The following MID2 variants were observed in gnomAD, a reference collection of about 807,000 sequenced individuals.
The protein encoded by MID2 is midline 2.
Under a neutral mutation model 46.1 loss-of-function variants are expected in MID2, and 13 were observed. The ratio of observed to expected loss-of-function variants is 0.28; its 90% CI spans 0.18 to 0.45. The LOEUF is 0.45. MID2 is among the 20% of genes least tolerant of loss of function. The pLI, the probability that MID2 is intolerant of heterozygous loss-of-function variation, is 1.00. For missense variants in MID2, 431 were observed against 575.4 expected (o/e 0.75, Z 2.57); for synonymous variants, 199 against 212.3 (o/e 0.94, Z 0.55).
intron 3 of MID2, among the ~76,000 whole-genome samples, chrX:107,899,679 G>T (rs1353788095): frequency 9.0e-6 from 1 of 111,291 alleles, no homozygotes; most frequent in African/African-American, 3.3e-5. Flanking sequence ...TCTTTTTGGG[G>T]TGGGTGGATT....
chrX:107,879,496 A>G (rs1198668283), intron 3 of MID2, among the ~76,000 whole-genome samples: 1 of 112,368 alleles, frequency 8.9e-6, no homozygotes, highest in East Asian at 2.8e-4. Context: ...TCTGATGTCC[A>G]GCTGCTTCTC....
chrX:107,830,789 T>C (rs1403134663), intron 1 of MID2, among the ~76,000 whole-genome samples: 2 of 111,860 alleles, frequency 1.8e-5, no homozygotes, highest in African/African-American at 6.5e-5. Context: ...TGTAATTATC[T>C]TCTTGTACAG....
intron 5 of MID2, among the ~76,000 whole-genome samples, chrX:107,915,624 A>T (rs1188167507): frequency 9.0e-6 from 1 of 111,468 alleles, no homozygotes. Context: ...TGACTTGCTG[A>T]CTAGCATAAA....
At chrX:107,857,921 C>T (rs1400202461) in intron 3 of MID2, among the ~76,000 whole-genome samples, 1 of 111,822 alleles carries the variant, frequency 8.9e-6, no homozygotes, top group Non-Finnish European at 1.9e-5. Context: ...TCTGAGAAAA[C>T]TGGAATAGGG....
At chrX:107,896,615 A>G (rs1221501671) in intron 3 of MID2, among the ~76,000 whole-genome samples, 1 of 112,555 alleles carries the variant, frequency 8.9e-6, no homozygotes, top group Non-Finnish European at 1.9e-5. Context: ...ATGTGTGTAT[A>G]TATATGTGTG....
intron 1 of MID2, among the ~76,000 whole-genome samples, chrX:107,838,578 C>T (rs1429360781): frequency 8.9e-6 from 1 of 112,178 alleles, no homozygotes; most frequent in Non-Finnish European, 1.9e-5. Context: ...AACCTCATTT[C>T]ATATAGATTT....
At chrX:107,847,543 G>A (rs1334266140) in intron 2 of MID2, among the ~76,000 whole-genome samples, 3 of 111,973 alleles carry the variant, frequency 2.7e-5, no homozygotes, top group African/African-American at 9.8e-5. Context: ...GACTTTTGAG[G>A]TGGAGATGTC....
At chrX:107,837,954 A>G (rs377305638) in intron 1 of MID2, among the ~76,000 whole-genome samples, 4 of 112,343 alleles carry the variant, frequency 3.6e-5, no homozygotes, top group African/African-American at 1.3e-4. Flanking sequence ...AGTTTGTGTG[A>G]AGCACAAACT....
chrX:107,888,616 T>A (rs905343462), intron 3 of MID2, among the ~76,000 whole-genome samples: 9 of 112,240 alleles, frequency 8.0e-5, no homozygotes, highest in Admixed American at 3.8e-4. Context: ...GAGAGTTCTG[T>A]AAATGTCTAT....
chrX:107,917,832 T>A, intron 7 of MID2, 93 bp downstream of exon 7: 1 of 769,322 alleles, frequency 1.3e-6, no homozygotes, highest in South Asian at 2.6e-5. Context: ...TACTGATGGG[T>A]AACAAGCAAG....
At chrX:107,845,876 G>C (rs145224159) in intron 2 of MID2, among the ~76,000 whole-genome samples, 297 of 111,403 alleles carry the variant, frequency 2.7e-3, no homozygotes, top group African/African-American at 9.2e-3. Context: ...ACCAGTGTAA[G>C]TATAAATATA....
chrX:107,926,792 A>G lies in MID2; in HGVS notation c.1927A>G (p.Met643Val). Residue 643 changes from methionine to valine, a missense_variant, in exon 10 of 10, where the codon ATG becomes GTG. Met to Val is a conservative substitution (Grantham distance 21). Coordinates refer to ENST00000262843, the MANE Select transcript of MID2 (RefSeq NM_012216.4). ...CGTGGTGAGACACAACAACAAGGAA[A>G]TGCTGGTGGATGTGCCCCCACACCT... ...NFVVRHNNKE[M>V]LVDVPPHLKR... 8.3e-7 allele frequency: 1 copy of G among 1,211,484 alleles called. No individual in the cohort carries two copies.
intron 3 of MID2, among the ~76,000 whole-genome samples, chrX:107,887,422 A>G (rs1932480493): frequency 8.9e-6 from 1 of 111,924 alleles, no homozygotes; most frequent in Non-Finnish European, 1.9e-5. Context: ...ATGCTGGATT[A>G]TGTTTATTGA....
rs758914133 is a variant in MID2 at position 107,885,102 on chromosome X, CTTAT to C, written c.817-18829_817-18826del. Among the ~76,000 whole-genome samples, 919 of 105,472 alleles carry C rather than the reference CTTAT, an allele frequency of 8.7e-3. 6 individuals are homozygous for C. The highest frequency in any genetic ancestry group is 0.014 in the Non-Finnish European group (734 of 51,308). 91.6% of individuals were successfully genotyped at this position (105,472 alleles called of 115,157 possible). ...TTTTGTTTTTTTTCCAGGAGAATCTCTTATTTATTTATTTATTTATTTATTTATT... is the reference window on the plus strand; with the variant it reads ...TTTTGTTTTTTTTCCAGGAGAATCTCTTATTTATTTATTTATTTATTTATT... On this transcript the variant is annotated intron_variant, in intron 3 of 9. Transcript: ENST00000262843.
At chrX:107,874,877 A>G (rs968362332) in intron 3 of MID2, among the ~76,000 whole-genome samples, 3 of 111,604 alleles carry the variant, frequency 2.7e-5, no homozygotes, top group Non-Finnish European at 3.8e-5. Context: ...AGACCAAGGT[A>G]CTTCACTGAA....
intron 5 of MID2, among the ~76,000 whole-genome samples, chrX:107,914,699 G>A (rs1932941400): frequency 8.9e-6 from 1 of 112,098 alleles, no homozygotes. Flanking sequence ...AGAAGATCTT[G>A]CACAGGACTA....
At chrX:107,853,397 T>C (rs1419061341) in intron 2 of MID2, among the ~76,000 whole-genome samples, 1 of 110,944 alleles carries the variant, frequency 9.0e-6, no homozygotes, top group African/African-American at 3.3e-5. Flanking sequence ...CCTCCTGGGG[T>C]CAAGTGATCC....
At chrX:107,886,687 G>A (rs1316334489) in intron 3 of MID2, among the ~76,000 whole-genome samples, 4 of 111,720 alleles carry the variant, frequency 3.6e-5, no homozygotes, top group Admixed American at 2.8e-4. Context: ...GATGGGGATG[G>A]CATTGAATCT....
At chrX:107,826,656 C>A (rs1315134774) in intron 1 of MID2, among the ~76,000 whole-genome samples, 2 of 113,039 alleles carry the variant, frequency 1.8e-5, no homozygotes, top group African/African-American at 6.4e-5. Flanking sequence ...GGGTTCCTGC[C>A]ACTGCCCTCC....
Sources: allele counts gnomAD v4.1 joint callset (sites outside exome capture counted in the v4.1 genomes callset), GRCh38; gene constraint gnomAD v4.1.1; transcripts MANE v1.5; gene names NCBI Gene and HGNC (gene_info 2026-07-23, HGNC 2026-07-21).